RBCK1: variants seen among roughly 807,000 people sequenced by gnomAD.
RBCK1 encodes ranBP-type and C3HC4-type zinc finger-containing protein 1.
Under a neutral mutation model 71.1 loss-of-function variants are expected in RBCK1, and 44 were observed. That is an observed-to-expected ratio of 0.62 (90% CI 0.49 to 0.80). RBCK1 has a LOEUF of 0.80. Among genes scored for constraint, RBCK1 ranks in the 30% least tolerant of loss-of-function variants. RBCK1 has a pLI of 0.00. For missense variants in RBCK1, 569 were observed against 685.0 expected (o/e 0.83, Z 1.89); for synonymous variants, 306 against 279.7 (o/e 1.09, Z -0.94).
At chr20:419,012 G>A (rs755008179) in intron 4 of RBCK1, among the ~76,000 whole-genome samples, 2 of 152,242 alleles carry the variant, frequency 1.3e-5, no homozygotes, top group Non-Finnish European at 2.9e-5. Context: ...GGGGGCTGAT[G>A]TTTCCTCCGG....
At position 430,305 on chromosome 20, in the gene RBCK1, C is replaced by G. The variant is rs1387083695; in HGVS notation, c.1453-45C>G. 1.3e-6 allele frequency: 2 copies of G among 1,524,304 alleles called. No individual in the cohort carries two copies. The highest frequency in any genetic ancestry group is 1.8e-6 in the Non-Finnish European group (2 of 1,100,130). 94.4% of individuals were successfully genotyped at this position (1,524,304 alleles called of 1,614,324 possible). A position where few individuals can be genotyped will look rare whatever the true frequency, so the allele number is the denominator to read the frequency against. ...GAGAGCGCTCGGCTGTGGGGGCAGT[C>G]TCTGCACTGCGCTGACATTCTCTTC... On this transcript the variant is annotated intron_variant, in intron 11 of 11. Transcript: ENST00000356286. The surrounding 1 kb of genome is among the most constrained non-coding windows in gnomAD (Gnocchi z 5.6).
chr20:410,652 G>A (rs758176942), intron 2 of RBCK1: 6 of 734,432 alleles, frequency 8.2e-6, no homozygotes, highest in African/African-American at 1.7e-5. Context: ...GGGAAGGGAA[G>A]AGAATGGATA....
At chr20:410,146 A>C in intron 2 of RBCK1, 121 bp downstream of exon 2, 1 of 1,115,930 alleles carries the variant, frequency 9.0e-7, no homozygotes, top group South Asian at 1.6e-5. Context: ...AACCCTAGTT[A>C]TGTCATTAAT....
chr20:427,329 A>G lies in RBCK1; in HGVS notation c.1046A>G (p.Asp349Gly), dbSNP rs2016781222. 6.2e-7 allele frequency: 1 copy of G among 1,613,940 alleles called. No individual in the cohort carries two copies. The highest frequency in any genetic ancestry group is 1.3e-5 in the African/African-American group (1 of 74,900). The change falls in exon 9 of 12, where the codon GAT (aspartate) becomes GGT (glycine). Residue 349 changes from aspartate to glycine, a missense_variant. Physicochemically the swap from Asp to Gly is moderately conservative, Grantham distance 94 (BLOSUM62 -1). This residue lies in a region of RBCK1 where 211 missense variants were observed against 309.4 expected (regional missense o/e 0.68). Transcript: ENST00000356286. ...REIKALLTPE[D>G]YQRFLDLGIS... Reference sequence around the variant, plus strand: ...TGTTGGCAGCTCCTGACCCCTGAGGATTACCAGCGATTTCTAGACCTGGGC... The same window carrying G: ...TGTTGGCAGCTCCTGACCCCTGAGGGTTACCAGCGATTTCTAGACCTGGGC...
intron 7 of RBCK1, among the ~76,000 whole-genome samples, chr20:421,456 C>T (rs1329707752): frequency 6.6e-6 from 1 of 152,196 alleles, no homozygotes; most frequent in Non-Finnish European, 1.5e-5. Context: ...TGACAGGCTC[C>T]GTGCCTGCCT....
At position 427,429 on chromosome 20, in the gene RBCK1, TGAG is replaced by T; in HGVS notation, c.1149_1151del (p.Glu383del). Reference sequence around the variant, plus strand: ...CAGATTGCAAGGGATGGTGCTTCTTTGAGGATGATGTCAATGAGTTCACCTGCC... The same window carrying T: ...CAGATTGCAAGGGATGGTGCTTCTTTGATGATGTCAATGAGTTCACCTGCC... On this transcript the variant is annotated inframe_deletion, in exon 9 of 12. Coordinates refer to ENST00000356286, the MANE Select transcript of RBCK1 (RefSeq NM_031229.4). 6.2e-7 allele frequency: 1 copy of T among 1,614,138 alleles called. No individual in the cohort carries two copies. Among genetic ancestry groups the T allele is most frequent in the East Asian group, 2.2e-5 (1 of 44,872 alleles).
chr20:419,124 G>A lies in RBCK1; in HGVS notation c.461-223G>A, dbSNP rs6115916. On this transcript the variant is annotated intron_variant, in intron 4 of 11. Transcript: ENST00000356286. ...CACGGAAGGGCTGGTGTTGTGCTGG[G>A]TTTTGAAGCTCAAAGGACATAGAAG... Among the ~76,000 whole-genome samples the A allele has an allele frequency of 0.016, 2,478 of 152,318 alleles. 49 individuals carry two copies. The highest frequency in any genetic ancestry group is 0.051 in the African/African-American group (2,130 of 41,560).
At chr20:416,102 G>GT (rs1332304755) in intron 2 of RBCK1, among the ~76,000 whole-genome samples, 1 of 150,884 alleles carries the variant, frequency 6.6e-6, no homozygotes, top group African/African-American at 2.4e-5. Context: ...ACTATCTCCC[G>GT]TTTTTCCTGT....
chr20:429,053 G>A lies in RBCK1; in HGVS notation c.1411G>A (p.Glu471Lys), dbSNP rs1342598444. The A allele has an allele frequency of 3.1e-6, 5 of 1,612,890 alleles. No individual in the cohort carries two copies. Among genetic ancestry groups the A allele is most frequent in the East Asian group, 2.2e-5 (1 of 44,874 alleles). Residue 471 changes from glutamate to lysine, a missense_variant, in exon 11 of 12, where the codon GAG (glutamate) becomes AAG (lysine). Physicochemically the swap from Glu to Lys is moderately conservative, Grantham distance 56. Transcript: ENST00000356286. Reference protein sequence around the residue: ...DWIRCTVCHTEICWVTKGPRW... With the variant: ...DWIRCTVCHTKICWVTKGPRW... ...GATCCGCTGCACCGTCTGCCACACCGAGATCTGCTGGGTCACCAAGGGCCC... is the reference window on the plus strand; with the variant it reads ...GATCCGCTGCACCGTCTGCCACACCAAGATCTGCTGGGTCACCAAGGGCCC...
Position 419,460 on chromosome 20 carries a change from C to A in RBCK1, c.574C>A (p.Pro192Thr), listed in dbSNP as rs760007593. Reference protein sequence around the residue: ...GRGQPDAVPEPPPVGWQCPGC... With the variant: ...GRGQPDAVPETPPVGWQCPGC... ...GGGGCAGCCAGATGCAGTGCCTGAG[C>A]CCCCACCGGTAAGCTGTCCTTGGCC... Residue 192 changes from proline to threonine, a missense_variant, in exon 5 of 12, where the codon CCC (proline) becomes ACC (threonine). Physicochemically the swap from Pro to Thr is conservative, Grantham distance 38. Transcript: ENST00000356286. 2 of 1,606,452 alleles carry A rather than the reference C, an allele frequency of 1.2e-6. No homozygotes were observed. The highest frequency in any genetic ancestry group is 1.7e-5 in the Admixed American group (1 of 59,168).
At chr20:409,007 C>G (rs1401658656) in intron 1 of RBCK1, among the ~76,000 whole-genome samples, 2 of 152,204 alleles carry the variant, frequency 1.3e-5, no homozygotes, top group African/African-American at 2.4e-5. Flanking sequence ...CTAGGGGACT[C>G]GCAGAGGACA....
In RBCK1 at chr20:428,124, G is replaced by C. The variant is rs1432175607; in HGVS notation, c.1210-367G>C. 6.6e-6 allele frequency among the ~76,000 whole-genome samples: 1 copy of C among 152,198 alleles called. No homozygotes were observed. The highest frequency in any genetic ancestry group is 1.5e-5 in the Non-Finnish European group (1 of 68,040). On this transcript the variant is annotated intron_variant, in intron 9 of 11. Transcript: ENST00000356286. The surrounding 1 kb of genome is among the most constrained non-coding windows in gnomAD (Gnocchi z 5.7). Reference sequence around the variant, plus strand: ...TCAGCCTGAGCAAGCTCAGTCTGGGGTCATTGGGCCTGTAACCCCGGGCAG... The same window carrying C: ...TCAGCCTGAGCAAGCTCAGTCTGGGCTCATTGGGCCTGTAACCCCGGGCAG...
In RBCK1 at chr20:419,540, A is replaced by G. The variant is rs770516014; in HGVS notation, c.583-18A>G. 3.7e-6 allele frequency: 6 copies of G among 1,606,562 alleles called. No individual in the cohort carries two copies. The African/African-American group carries it at 6.7e-5, about 18-fold the overall frequency. On this transcript the variant is annotated intron_variant, in intron 5 of 11. Coordinates refer to ENST00000356286, the MANE Select transcript of RBCK1 (RefSeq NM_031229.4). ...CCTCACCCTGCCCAGTCGGGCTCAC[A>G]GCACCCTCTGCTCCCAGGTGGGCTG... is the stretch of plus-strand genomic sequence containing the variant.
At position 430,225 on chromosome 20, in the gene RBCK1, A is replaced by T. The variant is rs768917282; in HGVS notation, c.1453-125A>T. 2 of 795,350 alleles carry T rather than the reference A, an allele frequency of 2.5e-6. No individual in the cohort carries two copies. The highest frequency in any genetic ancestry group is 3.4e-5 in the African/African-American group (2 of 58,636). 49.3% of individuals were successfully genotyped at this position (795,350 alleles called of 1,614,324 possible). On this transcript the variant is annotated intron_variant, in intron 11 of 11. Coordinates refer to ENST00000356286, the MANE Select transcript of RBCK1 (RefSeq NM_031229.4). This position sits in a 1 kb window ranked among gnomAD's most constrained non-coding sequence, Gnocchi z 5.6. ...TCAGTGACTCTCCATCAGGTAGCTG[A>T]GGCTGACCAGGCCATTCTTGCAGGA...
rs532871228 is a variant in RBCK1 at position 429,497 on chromosome 20, A to G, written c.1452+403A>G. ...TGCCTCGGCCTCCCAAAGTGCTAGG[A>G]TTACAGGCGTGAGCCACCGGGCCGC... On this transcript the variant is annotated intron_variant, in intron 11 of 11. Coordinates refer to ENST00000356286, the MANE Select transcript of RBCK1 (RefSeq NM_031229.4). 1.3e-3 allele frequency among the ~76,000 whole-genome samples: 200 copies of G among 152,308 alleles called. 1 individual carries two copies. The highest frequency in any genetic ancestry group is 4.4e-3 in the African/African-American group (184 of 41,568).
rs763071132 is a variant in RBCK1 at position 428,557 on chromosome 20, G to A, written c.1276G>A (p.Val426Met). Reference sequence around the variant, plus strand: ...CCTGGCCCTGCGGGCTCAGAACGATGTGGCTGCCCGGCAGACGACAGAGAT... The same window carrying A: ...CCTGGCCCTGCGGGCTCAGAACGATATGGCTGCCCGGCAGACGACAGAGAT... The part of the protein sequence containing the change: ...EDLALRAQND[V>M]AARQTTEMLK... Residue 426 changes from valine to methionine, a missense_variant, in exon 10 of 12, where the codon GTG becomes ATG. Val to Met is a conservative substitution (Grantham distance 21, BLOSUM62 1). Transcript: ENST00000356286. The surrounding 1 kb of genome is among the most constrained non-coding windows in gnomAD (Gnocchi z 5.7). 3 of 1,612,464 alleles carry A rather than the reference G, an allele frequency of 1.9e-6. No homozygotes were observed. In the Admixed American group the frequency reaches 5.0e-5, roughly 27 times the overall value.
chr20:413,871 C>T (rs1325596327), intron 2 of RBCK1, among the ~76,000 whole-genome samples: 2 of 144,848 alleles, frequency 1.4e-5, no homozygotes, highest in African/African-American at 5.1e-5. Context: ...AGAGTTGTTT[C>T]TGTGAAAATA....
intron 4 of RBCK1, among the ~76,000 whole-genome samples, chr20:418,895 C>G (rs1048888354): frequency 6.6e-6 from 1 of 152,214 alleles, no homozygotes; most frequent in Non-Finnish European, 1.5e-5. Flanking sequence ...TCAGATTTTA[C>G]CAGTTGTCCC....
intron 8 of RBCK1, among the ~76,000 whole-genome samples, chr20:424,576 A>AT (rs2016605385): frequency 6.6e-6 from 1 of 152,090 alleles, no homozygotes; most frequent in Non-Finnish European, 1.5e-5. Flanking sequence ...CACAGCTCTG[A>AT]TATCAGGAGC....
Sources: gnomAD v4.1 joint callset for allele counts (sites outside exome capture counted in the v4.1 genomes callset) on GRCh38, gnomAD v4.1.1 for gene constraint, gnomAD v4.1.1 regional missense constraint, Gnocchi (gnomAD v3.1) non-coding constraint, MANE v1.5 for transcripts, NCBI Gene and HGNC (gene_info 2026-07-23, HGNC 2026-07-21) for gene names.